The following NOL4L variants were observed in gnomAD, a reference collection of about 807,000 sequenced individuals.
NOL4L encodes the protein nucleolar protein 4-like.
A neutral mutation model predicts 64.5 loss-of-function variants in NOL4L; 7 were observed. The ratio of observed to expected loss-of-function variants is 0.11; its 90% CI spans 0.06 to 0.20. The LOEUF is 0.20. Ranked by LOEUF, NOL4L falls within the 10% of genes least tolerant of loss-of-function variation. NOL4L has a pLI of 1.00. For missense variants in NOL4L, 680 were observed against 967.1 expected (o/e 0.70, Z 3.94); for synonymous variants, 413 against 401.0 (o/e 1.03, Z -0.36).
At chr20:32,482,544 A>C (rs2015798804) in intron 4 of NOL4L, among the ~76,000 whole-genome samples, 1 of 152,052 alleles carries the variant, frequency 6.6e-6, no homozygotes, top group Admixed American at 6.5e-5. Flanking sequence ...GAGGGAGGAG[A>C]GAGAGGGCGG....
At chr20:32,584,400 G>T (rs949155710) in intron 1 of NOL4L, among the ~76,000 whole-genome samples, 170 bp downstream of exon 1, 1 of 151,434 alleles carries the variant, frequency 6.6e-6, no homozygotes, top group Admixed American at 6.6e-5. Context: ...CTGCCCAGGC[G>T]AGCCGGGAAG....
At chr20:32,456,434 C>A (rs750622830) in intron 5 of NOL4L, 39 bp from the exon 6 acceptor site, 143 of 1,427,486 alleles carry the variant, frequency 1.0e-4, no homozygotes, top group Non-Finnish European at 1.9e-5. Context: ...CCACCCAAGG[C>A]ACTGTGGCCA....
At chr20:32,575,578 G>A (rs866671326) in intron 1 of NOL4L, among the ~76,000 whole-genome samples, 14 of 151,984 alleles carry the variant, frequency 9.2e-5, no homozygotes, top group African/African-American at 2.2e-4. Flanking sequence ...CTCAGAACCC[G>A]GCTCTGAGAC....
chr20:32,485,320 T>C (rs1173920750), intron 4 of NOL4L, among the ~76,000 whole-genome samples: 1 of 152,174 alleles, frequency 6.6e-6, no homozygotes, highest in African/African-American at 2.4e-5. Flanking sequence ...TCTGAAAGCT[T>C]TGCATTGTGA....
intron 1 of NOL4L, among the ~76,000 whole-genome samples, chr20:32,578,147 G>GGAGA (rs1568723744): frequency 1.7e-5 from 2 of 119,066 alleles, no homozygotes; most frequent in African/African-American, 8.1e-5. Flanking sequence ...AAGGAGGGAG[G>GGAGA]GAGGGAGGGA....
chr20:32,519,404 A>G (rs774587085), intron 3 of NOL4L: 1 of 152,192 alleles, frequency 6.6e-6, no homozygotes, highest in East Asian at 1.9e-4. Flanking sequence ...CCCAGATTCA[A>G]TGGATGCTAC....
chr20:32,453,679 G>A lies in NOL4L; in HGVS notation c.1202C>T (p.Ala401Val). The A allele has an allele frequency of 6.4e-7, 1 of 1,572,388 alleles. No individual in the cohort carries two copies. The change falls in exon 7 of 11, where the codon GCC (alanine) becomes GTC (valine). Residue 401 changes from alanine to valine, a missense_variant. Coordinates refer to ENST00000621426, the MANE Select transcript of NOL4L (RefSeq NM_001256798.2). The surrounding 1 kb of genome is among the most constrained non-coding windows in gnomAD (Gnocchi z 5.6). ...GCPEDLTVGR[A>V]PTADDDDDDH... The stretch of plus-strand genomic sequence containing the variant: ...ATCGTCGTCATCATCTGCCGTCGGG[G>A]CCCGGCCCACTGTCAGGTCCTCAGG...
intron 4 of NOL4L, 55 bp from the exon 5 acceptor site, chr20:32,474,797 G>C: frequency 7.9e-6 from 12 of 1,523,652 alleles, no homozygotes; most frequent in Admixed American, 2.0e-5. Context: ...TCATCAGCCT[G>C]AGGCAGCCTT....
intron 1 of NOL4L, 120 bp downstream of exon 1, chr20:32,584,450 A>C (rs1980760261): frequency 4.9e-6 from 4 of 821,282 alleles, no homozygotes; most frequent in Non-Finnish European, 6.5e-6. Flanking sequence ...GGCGGGCCCG[A>C]CACACGGACA....
rs903273279 is a variant in NOL4L at position 32,503,956 on chromosome 20, A to G, written c.699+7391T>C. Among the ~76,000 whole-genome samples, 3 of 152,156 alleles carry G rather than the reference A, an allele frequency of 2.0e-5. No homozygotes were observed. In the South Asian group the frequency reaches 6.2e-4, roughly 32 times the overall value. ...CTTTTGTAAATACCCAATGCCATTTAAGAAGGCCCATCTGAGCTTTTTATG... is the reference window on the plus strand; with the variant it reads ...CTTTTGTAAATACCCAATGCCATTTGAGAAGGCCCATCTGAGCTTTTTATG... On this transcript the variant is annotated intron_variant, in intron 4 of 10. Transcript: ENST00000621426.
intron 6 of NOL4L, 148 bp downstream of exon 6, chr20:32,455,970 C>A (rs6087911): frequency 1.2e-6 from 1 of 833,010 alleles, no homozygotes; most frequent in Non-Finnish European, 1.7e-6. Context: ...CACCAGGAAC[C>A]GAACACATAC....
At chr20:32,536,972 C>G in intron 1 of NOL4L, 1 of 770,212 alleles carries the variant, frequency 1.3e-6, no homozygotes, top group Non-Finnish European at 1.6e-6. Context: ...CCCCGCCCAC[C>G]CCACGCGCAC....
rs1311757671 is a variant in NOL4L, at chr20:32,464,780, T to C, written c.842-8385A>G. Reference sequence around the variant, plus strand: ...AAAAGTAATAAAGAAACAGGTGAAATCAATTTTAATAATCTACTTTATTTA... The same window carrying C: ...AAAAGTAATAAAGAAACAGGTGAAACCAATTTTAATAATCTACTTTATTTA... On this transcript the variant is annotated intron_variant, in intron 5 of 10. Coordinates refer to ENST00000621426, the MANE Select transcript of NOL4L (RefSeq NM_001256798.2). The surrounding 1 kb of genome is among the most constrained non-coding windows in gnomAD (Gnocchi z 5.6). 2.6e-6 allele frequency: 1 copy of C among 389,156 alleles called. No homozygotes were observed. The highest frequency in any genetic ancestry group is 2.1e-5 in the African/African-American group (1 of 48,400). The allele number at this position is 389,156 out of a possible 1,614,324, so 24.1% of individuals were successfully genotyped here.
In NOL4L at chr20:32,453,249, C is replaced by A; in HGVS notation, c.1497+55G>T. 1 of 1,576,606 alleles carries A rather than the reference C, an allele frequency of 6.3e-7. No homozygotes were observed. Among genetic ancestry groups the A allele is most frequent in the East Asian group, 2.3e-5 (1 of 44,208 alleles). On this transcript the variant is annotated intron_variant, in intron 8 of 10. Coordinates refer to ENST00000621426, the MANE Select transcript of NOL4L (RefSeq NM_001256798.2). This position sits in a 1 kb window ranked among gnomAD's most constrained non-coding sequence, Gnocchi z 5.6. ...GGGCCCGGGCATCCTGGGAGTGTGG[C>A]AGGAGGTCAGTAGTGGCACCGAGGG...
Position 32,447,448 on chromosome 20 carries a change from T to C in NOL4L, c.*148A>G, listed in dbSNP as rs1049259656. ...AAAAAAAGTGTCCTTGTGCCCAAAG[T>C]CTCAGGTGCTTGGAGTGTGGCTAGA... is the stretch of plus-strand genomic sequence containing the variant. On this transcript the variant is annotated 3_prime_UTR_variant, in exon 11 of 11. Transcript: ENST00000621426. The C allele has an allele frequency of 4.9e-6, 3 of 610,236 alleles. No individual in the cohort carries two copies. In the African/African-American group the frequency reaches 6.6e-5, roughly 13 times the overall value. 37.8% of individuals were successfully genotyped at this position (610,236 alleles called of 1,614,324 possible). A position where few individuals can be genotyped will look rare whatever the true frequency, so the allele number is the denominator to read the frequency against.
chr20:32,496,761 G>A (rs572937267), intron 4 of NOL4L, among the ~76,000 whole-genome samples: 12 of 151,826 alleles, frequency 7.9e-5, no homozygotes, highest in Non-Finnish European at 1.2e-4. Flanking sequence ...CATGTTGGCC[G>A]GGCTGGTCTC....
chr20:32,534,607 C>G (rs939301754), intron 1 of NOL4L, among the ~76,000 whole-genome samples: 3 of 152,192 alleles, frequency 2.0e-5, no homozygotes, highest in Admixed American at 6.5e-5. Flanking sequence ...AATCCCAGCA[C>G]TTTGGGAGAC....
At chr20:32,452,200 G>T in intron 10 of NOL4L, 36 bp downstream of exon 10, 5 of 1,489,828 alleles carry the variant, frequency 3.4e-6, no homozygotes, top group Non-Finnish European at 4.5e-6. Flanking sequence ...CTGGGTGCTG[G>T]TCGGGAAGCC....
chr20:32,489,711 G>A (rs1256107086), intron 4 of NOL4L, among the ~76,000 whole-genome samples: 5 of 152,136 alleles, frequency 3.3e-5, no homozygotes, highest in African/African-American at 9.6e-5. Flanking sequence ...TTGGGAGGCC[G>A]AGGCAGGAGA....
Sources: allele counts gnomAD v4.1 joint callset (sites outside exome capture counted in the v4.1 genomes callset), GRCh38; gene constraint gnomAD v4.1.1; non-coding constraint Gnocchi (gnomAD v3.1); transcripts MANE v1.5; gene names NCBI Gene and HGNC (gene_info 2026-07-23, HGNC 2026-07-21).